AVEN: variants seen among roughly 807,000 people sequenced by gnomAD.
The protein encoded by AVEN is apoptosis and caspase activation inhibitor.
Under a neutral mutation model 38.1 loss-of-function variants are expected in AVEN, and 41 were observed. The observed-to-expected ratio is 1.08, with a 90% CI of 0.84 to 1.40. The LOEUF is 1.40. Among genes scored for constraint, AVEN ranks in the 40% most tolerant of loss-of-function variants. The probability of loss-of-function intolerance (pLI) is 0.00; values close to 1 mark genes in which losing one functional copy is unlikely to be tolerated. For synonymous variants in AVEN, 206 were observed against 171.8 expected, an observed-to-expected ratio of 1.20 and a Z score of -1.56; for missense variants, 605 against 438.8, an observed-to-expected ratio of 1.38 and a Z score of -3.38.
chr15:34,064,377 A>C, intron 4 of AVEN: 1 of 1,498,488 alleles, frequency 6.7e-7, no homozygotes, highest in East Asian at 2.3e-5. Flanking sequence ...GAGGATGAGC[A>C]AGCTGATTCT....
Position 33,904,712 on chromosome 15 carries a change from T to TACACACACACACACACACAC in AVEN, c.446-28718_446-28717insGTGTGTGTGTGTGTGTGTGT, listed in dbSNP as rs1394478053. On this transcript the variant is annotated intron_variant, in intron 2 of 5. Coordinates refer to ENST00000306730, the MANE Select transcript of AVEN (RefSeq NM_020371.3). ...AAAAAAAAATATATATATATATATATATATACACACACACACGAATATGCA... is the reference window on the plus strand; with the variant it reads ...AAAAAAAAATATATATATATATATATACACACACACACACACACACATATACACACACACACGAATATGCA... 7.9e-3 allele frequency among the ~76,000 whole-genome samples: 1,085 copies of TACACACACACACACACACAC among 138,152 alleles called. 4 individuals are homozygous for TACACACACACACACACACAC. Among genetic ancestry groups the TACACACACACACACACACAC allele is most frequent in the South Asian group, 0.018 (79 of 4,346 alleles). The allele number at this position is 138,152 out of a possible 152,430, so 90.6% of individuals were successfully genotyped here.
intron 1 of AVEN, among the ~76,000 whole-genome samples, chr15:34,070,916 T>C (rs1447943397): frequency 6.6e-6 from 1 of 152,192 alleles, no homozygotes; most frequent in Non-Finnish European, 1.5e-5. Context: ...TTCTCTGTGA[T>C]CTGTGATTAG....
chr15:33,962,655 A>G (rs1895232630), intron 2 of AVEN, among the ~76,000 whole-genome samples: 1 of 130,030 alleles, frequency 7.7e-6, no homozygotes, highest in African/African-American at 2.6e-5. Flanking sequence ...ATAACAAATC[A>G]CTAAATTTCC....
chr15:33,918,606 C>T (rs550423270), intron 2 of AVEN, among the ~76,000 whole-genome samples: 303 of 151,200 alleles, frequency 2.0e-3, no homozygotes, highest in Non-Finnish European at 2.1e-3. Flanking sequence ...GCGCACACCA[C>T]CAAGCCTGGC....
At chr15:34,037,109 CA>C (rs59011779) in intron 1 of AVEN, among the ~76,000 whole-genome samples, 43,060 of 137,466 alleles carry the variant, frequency 0.31, 8,153 homozygotes, top group African/African-American at 0.57. Context: ...AACTCCGTCT[CA>C]AAAAAAAAAA....
chr15:33,997,018 C>T (rs1256306587), intron 2 of AVEN, among the ~76,000 whole-genome samples: 1 of 152,120 alleles, frequency 6.6e-6, no homozygotes, highest in Non-Finnish European at 1.5e-5. Flanking sequence ...CTTAAATTAC[C>T]CGATGGGGCT....
chr15:34,021,827 C>T (rs976686725), intron 1 of AVEN, among the ~76,000 whole-genome samples: 1 of 152,006 alleles, frequency 6.6e-6, no homozygotes, highest in African/African-American at 2.4e-5. Context: ...TGCACTCCAG[C>T]CTGGGTGGAC....
At position 34,063,360 on chromosome 15, in the gene AVEN, C is replaced by A. The variant is rs763280962; in HGVS notation, n.1199G>T. On this transcript the variant is annotated non_coding_transcript_exon_variant, in exon 5 of 12. Coordinates refer to the AVEN transcript ENST00000675287. The surrounding 1 kb of genome is among the most constrained non-coding windows in gnomAD (Gnocchi z 4.1). ...TTCTGTCATGACCATCCTCTACTGT[C>A]GAATCTACCGGGAAACAGAGAAGCG... 1.2e-6 allele frequency: 2 copies of A among 1,614,098 alleles called. No individual in the cohort carries two copies. Among genetic ancestry groups the A allele is most frequent in the Non-Finnish European group, 1.7e-6 (2 of 1,180,032 alleles).
downstream of AVEN, chr15:33,865,019 C>T: frequency 2.8e-6 from 2 of 725,836 alleles, no homozygotes; most frequent in East Asian, 2.6e-5. Flanking sequence ...GGTTTGGCCT[C>T]ATATAAATTC....
At chr15:34,072,724 C>T (rs1318775437) in intron 1 of AVEN, among the ~76,000 whole-genome samples, 1 of 151,366 alleles carries the variant, frequency 6.6e-6, no homozygotes, top group Non-Finnish European at 1.5e-5. Context: ...TCTTGGCTCA[C>T]TGCAAGCTCC....
intron 1 of AVEN, among the ~76,000 whole-genome samples, chr15:34,011,865 C>A (rs770628091): frequency 6.6e-6 from 1 of 152,152 alleles, no homozygotes; most frequent in African/African-American, 2.4e-5. Context: ...CAAGACCTTG[C>A]GAGTTCTATG....
At chr15:34,072,861 C>T (rs902336142) in intron 1 of AVEN, among the ~76,000 whole-genome samples, 19 of 151,506 alleles carry the variant, frequency 1.3e-4, no homozygotes, top group Middle Eastern at 3.4e-3. Context: ...CTGTTAGCCA[C>T]GATGGTCTCG....
At chr15:34,053,384 A>G (rs1333316057) in intron 5 of AVEN, among the ~76,000 whole-genome samples, 1 of 149,042 alleles carries the variant, frequency 6.7e-6, no homozygotes, top group Non-Finnish European at 1.5e-5. Flanking sequence ...AATCCGAAGG[A>G]AAAAGAACAA....
At chr15:34,033,734 T>TA (rs2074364990) in intron 1 of AVEN, among the ~76,000 whole-genome samples, 2 of 152,130 alleles carry the variant, frequency 1.3e-5, no homozygotes, top group Non-Finnish European at 2.9e-5. Context: ...AAAATACAAG[T>TA]AAAAAAGAAT....
intron 2 of AVEN, among the ~76,000 whole-genome samples, chr15:33,914,808 G>T (rs1228398319): frequency 1.3e-5 from 2 of 151,920 alleles, no homozygotes; most frequent in Non-Finnish European, 2.9e-5. Flanking sequence ...CATGCATGTA[G>T]TTCATATCAG....
chr15:33,903,818 A>G (rs1892583408), intron 2 of AVEN, among the ~76,000 whole-genome samples: 1 of 115,950 alleles, frequency 8.6e-6, no homozygotes, highest in African/African-American at 2.6e-5. Flanking sequence ...GAAATTCATC[A>G]TTAGGTGATT....
At chr15:33,944,931 G>C (rs1272585699) in intron 2 of AVEN, among the ~76,000 whole-genome samples, 3 of 152,030 alleles carry the variant, frequency 2.0e-5, no homozygotes, top group Non-Finnish European at 4.4e-5. Flanking sequence ...TGTTAGCTTG[G>C]CATACCAGGC....
At chr15:34,042,875 C>T (rs1050763976), upstream of AVEN, among the ~76,000 whole-genome samples, 8 of 152,252 alleles carry the variant, frequency 5.3e-5, no homozygotes, top group Admixed American at 4.6e-4. Flanking sequence ...CCAGTTGATT[C>T]TGATGCATCC....
chr15:33,927,277 T>C (rs967861678), intron 2 of AVEN, among the ~76,000 whole-genome samples: 23 of 151,642 alleles, frequency 1.5e-4, no homozygotes, highest in African/African-American at 5.3e-4. Flanking sequence ...ATAATAATAA[T>C]AATAATTGAA....
Sources: allele counts gnomAD v4.1 joint callset (sites outside exome capture counted in the v4.1 genomes callset), GRCh38; gene constraint gnomAD v4.1.1; non-coding constraint Gnocchi (gnomAD v3.1); transcripts MANE v1.5; gene names NCBI Gene and HGNC (gene_info 2026-07-23, HGNC 2026-07-21).